Variants in ASCC1 observed in about 807,000 individuals in gnomAD.
ASCC1 encodes activating signal cointegrator 1 complex subunit 1.
ASCC1 carries 35 observed loss-of-function variants against 46.6 expected under a neutral mutation model. That is an observed-to-expected ratio of 0.75 (90% CI 0.57 to 0.99). The LOEUF (loss-of-function observed/expected upper bound fraction) is 0.99, where lower values mean the gene tolerates loss of function less well. Ranked by LOEUF, ASCC1 falls within the 50% of genes least tolerant of loss-of-function variation. The pLI is 0.00. For missense variants in ASCC1, 376 were observed against 428.7 expected (o/e 0.88, Z 1.09); for synonymous variants, 143 against 146.6 (o/e 0.98, Z 0.18).
intron 8 of ASCC1, among the ~76,000 whole-genome samples, chr10:72,130,287 T>C (rs1289388837): frequency 6.6e-6 from 1 of 152,034 alleles, no homozygotes; most frequent in African/African-American, 2.4e-5. Context: ...GTGATGAAAA[T>C]GTTCTAGAAC....
rs1302149897 is a variant in ASCC1 at position 72,133,127 on chromosome 10, T to A, written c.801A>T (p.Ile267=). The change falls in exon 8 of 10, where the codon ATA becomes ATT. Residue 267 remains isoleucine (I), a synonymous_variant. Transcript: ENST00000672957. The part of the protein sequence containing the change: ...VLERFQASGL[I]VKEWNSVKLH... The stretch of plus-strand genomic sequence containing the variant: ...GTTTCACACTATTCCACTCTTTCAC[T>A]ATTAGTCCAGATGCCTGAAAACGTT... The A allele has an allele frequency of 6.2e-7, 1 of 1,614,038 alleles. No homozygotes were observed. The highest frequency in any genetic ancestry group is 1.7e-5 in the Admixed American group (1 of 60,028).
At chr10:72,185,243 C>T (rs1445847729) in intron 5 of ASCC1, among the ~76,000 whole-genome samples, 3 of 152,308 alleles carry the variant, frequency 2.0e-5, no homozygotes, top group African/African-American at 4.8e-5. Context: ...TAAACATACA[C>T]TTGCACATAA....
At position 72,163,651 on chromosome 10, in the gene ASCC1, C is replaced by A. The variant is rs555665389; in HGVS notation, c.490-1977G>T. ...TACGGAGGCTGAGGCAGGAGAATTG[C>A]TTGAACCTGGGAGGAAAAGGTTGCA... On this transcript the variant is annotated intron_variant, in intron 5 of 9. Transcript: ENST00000672957. Among the ~76,000 whole-genome samples, 3 of 151,876 alleles carry A rather than the reference C, an allele frequency of 2.0e-5. No homozygotes were observed. In the East Asian group the frequency reaches 5.9e-4, roughly 30 times the overall value.
intron 7 of ASCC1, among the ~76,000 whole-genome samples, chr10:72,151,917 C>T (rs1182934932): frequency 6.6e-6 from 1 of 151,800 alleles, no homozygotes; most frequent in Non-Finnish European, 1.5e-5. Flanking sequence ...ATTCGATCTC[C>T]TGACCTCGTG....
intron 3 of ASCC1, among the ~76,000 whole-genome samples, chr10:72,208,098 G>A (rs1312560361): frequency 2.6e-5 from 4 of 151,972 alleles, no homozygotes; most frequent in Non-Finnish European, 5.9e-5. Context: ...CCGAAGTGCT[G>A]GGATTACAGG....
At chr10:72,143,001 A>T (rs1847205575) in intron 7 of ASCC1, among the ~76,000 whole-genome samples, 1 of 151,832 alleles carries the variant, frequency 6.6e-6, no homozygotes, top group Admixed American at 6.6e-5. Context: ...CTCTACTAAA[A>T]ATACGAAAAA....
intron 5 of ASCC1, 47 bp downstream of exon 5, chr10:72,196,764 T>C (rs1251181900): frequency 3.2e-6 from 5 of 1,552,676 alleles, no homozygotes; most frequent in Middle Eastern, 4.3e-4. Context: ...TTGTATTCTT[T>C]TTATATTTAA....
At chr10:72,153,047 T>C (rs201550840) in intron 6 of ASCC1, 59 bp from the exon 7 acceptor site, 1 of 1,605,158 alleles carries the variant, frequency 6.2e-7, no homozygotes, top group East Asian at 2.2e-5. Flanking sequence ...GGCTATTTTA[T>C]TTTGAAACAT....
intron 3 of ASCC1, among the ~76,000 whole-genome samples, chr10:72,209,937 C>T (rs971982851): frequency 1.3e-5 from 2 of 152,068 alleles, no homozygotes; most frequent in African/African-American, 4.8e-5. Context: ...CTCATGATGG[C>T]TTAGCACCAT....
intron 7 of ASCC1, among the ~76,000 whole-genome samples, chr10:72,140,336 A>G: frequency 6.6e-6 from 1 of 152,208 alleles, no homozygotes; most frequent in Non-Finnish European, 1.5e-5. Flanking sequence ...GCTGGGGCCC[A>G]GGGCAGGCAC....
In ASCC1 at chr10:72,097,405, G is replaced by C. The variant is rs746918233; in HGVS notation, c.1003C>G (p.His335Asp). 4.3e-6 allele frequency: 7 copies of C among 1,613,850 alleles called. No homozygotes were observed. The highest frequency in any genetic ancestry group is 1.6e-4 in the Middle Eastern group (1 of 6,082). Residue 335 changes from histidine (H) to aspartate (D), a missense_variant, in exon 10 of 10, where the codon CAC becomes GAC. Transcript: ENST00000672957. ...YFGSLKLNSI[H>D]ISQRFTVDSF... is the part of the protein sequence containing the mutation. ...TCTACGGTGAACCTCTGAGAGATGT[G>C]AATTGAATTCAGCTTTAGGGAGCCA...
chr10:72,195,798 C>T (rs2133257960), intron 5 of ASCC1, among the ~76,000 whole-genome samples: 1 of 150,928 alleles, frequency 6.6e-6, no homozygotes, highest in African/African-American at 2.4e-5. Context: ...CGAGCCATTG[C>T]ACTCCAGCCT....
intron 9 of ASCC1, among the ~76,000 whole-genome samples, chr10:72,108,568 C>T (rs1165981953): frequency 6.6e-5 from 10 of 152,050 alleles, no homozygotes; most frequent in Admixed American, 5.9e-4. Context: ...CTGTGAAGTC[C>T]CTGTTTCCCA....
intron 5 of ASCC1, among the ~76,000 whole-genome samples, chr10:72,174,988 T>C (rs371968407): frequency 1.3e-5 from 2 of 152,250 alleles, no homozygotes; most frequent in South Asian, 2.1e-4. Flanking sequence ...AGAGAAAATA[T>C]GCATGCTTCC....
At chr10:72,110,651 G>A (rs1842826204) in intron 9 of ASCC1, among the ~76,000 whole-genome samples, 1 of 152,212 alleles carries the variant, frequency 6.6e-6, no homozygotes, top group African/African-American at 2.4e-5. Context: ...GCTGGGCGTG[G>A]TGGCACGTGC....
In ASCC1 at chr10:72,152,971, T is replaced by C; in HGVS notation, c.644A>G (p.Lys215Arg). The change falls in exon 7 of 10, where the codon AAA becomes AGA. Residue 215 changes from lysine (K) to arginine (R), a missense_variant. Physicochemically the swap from Lys to Arg is conservative, Grantham distance 26. Transcript: ENST00000672957. Reference sequence around the variant, plus strand: ...CCCTGCCATCTCCACTTCTAGGGGTTTACCCCCAGAAATATCACTGCAAAG... The same window carrying C: ...CCCTGCCATCTCCACTTCTAGGGGTCTACCCCCAGAAATATCACTGCAAAG... ...EEFINDISGG[K>R]PLEVEMAGIE... 1.2e-6 allele frequency: 2 copies of C among 1,614,072 alleles called. No homozygotes were observed. The highest frequency in any genetic ancestry group is 1.7e-6 in the Non-Finnish European group (2 of 1,179,980).
At chr10:72,195,388 A>G (rs2133251039) in intron 5 of ASCC1, among the ~76,000 whole-genome samples, 1 of 151,794 alleles carries the variant, frequency 6.6e-6, no homozygotes, top group South Asian at 2.1e-4. Flanking sequence ...AGCTCAAGCA[A>G]TCTACCTGCC....
chr10:72,213,299 G>A lies in ASCC1; in HGVS notation c.-1C>T. ...TAAGCTGTGGACGCAGAACTTCCAT[G>A]ACACTTTCTCCAAATGATATTCCAA... On this transcript the variant is annotated 5_prime_UTR_variant, in exon 2 of 10. Coordinates refer to ENST00000672957, the MANE Select transcript of ASCC1 (RefSeq NM_001198800.3). 6.2e-7 allele frequency: 1 copy of A among 1,602,656 alleles called. No homozygotes were observed. The highest frequency in any genetic ancestry group is 2.2e-5 in the East Asian group (1 of 44,802).
intron 5 of ASCC1, among the ~76,000 whole-genome samples, chr10:72,173,684 T>C (rs965752261): frequency 1.3e-5 from 2 of 152,218 alleles, no homozygotes; most frequent in African/African-American, 2.4e-5. Context: ...CTAAATTTAA[T>C]TTGGAACCAA....
Sources: gnomAD v4.1 joint callset for allele counts (sites outside exome capture counted in the v4.1 genomes callset) on GRCh38, gnomAD v4.1.1 for gene constraint, MANE v1.5 for transcripts, NCBI Gene and HGNC (gene_info 2026-07-23, HGNC 2026-07-21) for gene names.